Variants in SLC45A4 observed in about 807,000 individuals in gnomAD.
The protein encoded by SLC45A4 is solute carrier family 45 member 4.
A neutral mutation model predicts 63.7 loss-of-function variants in SLC45A4; 32 were observed. The observed-to-expected ratio is 0.50, with a 90% confidence interval of 0.38 to 0.67. The LOEUF (loss-of-function observed/expected upper bound fraction) is 0.67, where lower values mean the gene tolerates loss of function less well. SLC45A4 is among the 30% of genes least tolerant of loss of function. SLC45A4 has a pLI of 0.00. For missense variants in SLC45A4, 1,027 were observed against 1,157.7 expected (o/e 0.89, Z 1.64); for synonymous variants, 535 against 510.0 (o/e 1.05, Z -0.66).
At chr8:141,277,910 A>G (rs1438395517) in intron 1 of SLC45A4, among the ~76,000 whole-genome samples, 1 of 152,076 alleles carries the variant, frequency 6.6e-6, no homozygotes, top group Non-Finnish European at 1.5e-5. Context: ...ACAAAGTGAA[A>G]AAAACAATTT....
intron 6 of SLC45A4, among the ~76,000 whole-genome samples, chr8:141,216,373 C>A (rs566726005): frequency 6.6e-6 from 1 of 152,200 alleles, no homozygotes; most frequent in Non-Finnish European, 1.5e-5. Context: ...CACATTTTTG[C>A]TGGTTTTTCT....
At chr8:141,246,679 G>A (rs1828221169) in intron 2 of SLC45A4, among the ~76,000 whole-genome samples, 1 of 47,900 alleles carries the variant, frequency 2.1e-5, no homozygotes. Context: ...GTATCTCAGG[G>A]GTCTCTTAGA....
chr8:141,239,485 T>G (rs1208324005), intron 2 of SLC45A4, among the ~76,000 whole-genome samples: 5 of 152,044 alleles, frequency 3.3e-5, no homozygotes, highest in Non-Finnish European at 7.4e-5. Flanking sequence ...GTTGCCCAGT[T>G]AGATACATCC....
chr8:141,211,622 A>T lies in SLC45A4; in HGVS notation c.2377T>A (p.Tyr793Asn). 1 of 1,612,436 alleles carries T rather than the reference A, an allele frequency of 6.2e-7. No homozygotes were observed. Residue 793 changes from tyrosine (Y) to asparagine (N), a missense_variant, in exon 9 of 9, where the codon TAT (tyrosine) becomes AAT (asparagine). Physicochemically the swap from Tyr to Asn is moderately radical, Grantham distance 143. Coordinates refer to ENST00000517878, the MANE Select transcript of SLC45A4 (RefSeq NM_001286646.2). ...VPQLLESIFLYDYFRKKIFFS... is the reference protein window; with the variant it reads ...VPQLLESIFLNDYFRKKIFFS... ...AAAATTTTTTTTCTAAAATAATCAT[A>T]AAGAAAAATACTCTCCAACAGCTGC...
rs1266538548 is a variant in SLC45A4, at chr8:141,278,301, C to CCAA, written c.-400-23675_-400-23673dup. ...ATCTCGGTGCAACCCAACAACTGAG[C>CCAA]CAACTGGGACTCCTCGGTCTGTGAA... On this transcript the variant is annotated intron_variant, in intron 1 of 8. Transcript: ENST00000517878. The surrounding 1 kb of genome is among the most constrained non-coding windows in gnomAD (Gnocchi z 4.1). 6.6e-6 allele frequency: 1 copy of CCAA among 152,342 alleles called. No individual in the cohort carries two copies. Among genetic ancestry groups the CCAA allele is most frequent in the Non-Finnish European group, 1.5e-5 (1 of 68,128 alleles). 9.4% of individuals were successfully genotyped at this position (152,342 alleles called of 1,614,324 possible). A position where few individuals can be genotyped will look rare whatever the true frequency, so the allele number is the denominator to read the frequency against.
chr8:141,217,650 C>A (rs1826243582), intron 5 of SLC45A4, among the ~76,000 whole-genome samples: 1 of 152,230 alleles, frequency 6.6e-6, no homozygotes, highest in South Asian at 2.1e-4. Flanking sequence ...CCACAGGGGC[C>A]AGAAGGGCCA....
intron 1 of SLC45A4, among the ~76,000 whole-genome samples, chr8:141,300,915 G>A (rs895941178): frequency 3.1e-4 from 47 of 152,210 alleles, no homozygotes; most frequent in African/African-American, 1.0e-3. Flanking sequence ...GTGACTCGAC[G>A]AAGTGGCGTG....
At position 141,207,819 on chromosome 8, in the gene SLC45A4, T is replaced by C. The variant is rs1490053051; in HGVS notation, c.*3753A>G. The C allele has an allele frequency of 6.6e-6, 1 of 152,388 alleles. No homozygotes were observed. The highest frequency in any genetic ancestry group is 2.4e-5 in the African/African-American group (1 of 41,426). 9.4% of individuals were successfully genotyped at this position (152,388 alleles called of 1,614,324 possible). The stretch of plus-strand genomic sequence containing the variant: ...CCGGAGGGTGATGGCTGGCTTTGCA[T>C]GAGGAGGTGACAAGAACTTTGGGCT... On this transcript the variant is annotated 3_prime_UTR_variant, in exon 9 of 9. Transcript: ENST00000517878.
intron 2 of SLC45A4, among the ~76,000 whole-genome samples, chr8:141,231,731 T>C (rs1159904138): frequency 1.3e-5 from 2 of 152,154 alleles, no homozygotes; most frequent in African/African-American, 2.4e-5. Context: ...CCCAGCCCAC[T>C]ACATTGACAG....
chr8:141,268,370 C>A (rs1157471007), intron 1 of SLC45A4, among the ~76,000 whole-genome samples: 1 of 152,176 alleles, frequency 6.6e-6, no homozygotes, highest in African/African-American at 2.4e-5. Context: ...ACTCTAATGG[C>A]AGACGCATGT....
intron 1 of SLC45A4, among the ~76,000 whole-genome samples, chr8:141,271,917 C>T (rs1160919784): frequency 4.6e-5 from 7 of 152,062 alleles, no homozygotes; most frequent in African/African-American, 7.2e-5. Context: ...TGCGCTCACA[C>T]GTGTGCAACA....
chr8:141,269,682 T>G (rs1427896034), intron 1 of SLC45A4, among the ~76,000 whole-genome samples: 1 of 151,454 alleles, frequency 6.6e-6, no homozygotes, highest in East Asian at 1.9e-4. Flanking sequence ...TGTGTGGGCA[T>G]GTGTATGTGT....
Position 141,221,740 on chromosome 8 carries a change from G to T in SLC45A4, c.267C>A (p.Leu89=), listed in dbSNP as rs560289756. 20 of 1,613,972 alleles carry T rather than the reference G, an allele frequency of 1.2e-5. No homozygotes were observed. The highest frequency in any genetic ancestry group is 1.6e-5 in the Non-Finnish European group (19 of 1,180,040). The change falls in exon 3 of 9, where the codon CTC becomes CTA. Residue 89 remains leucine, a synonymous_variant. Coordinates refer to ENST00000517878, the MANE Select transcript of SLC45A4 (RefSeq NM_001286646.2). ...CAAGGATGGGGCTCAGGAACCAGGT[G>T]AGGCTGTAGTACTGCTCCGGAAGGC... ...QIGLPEQYYS[L]TWFLSPILGL...
chr8:141,286,537 CAAGAA>C (rs1306932596), intron 1 of SLC45A4, among the ~76,000 whole-genome samples: 1 of 152,214 alleles, frequency 6.6e-6, no homozygotes, highest in African/African-American at 2.4e-5. Context: ...TTATACTTCA[CAAGAA>C]AAGTACTTCC....
chr8:141,259,972 C>T (rs949903356), intron 1 of SLC45A4, among the ~76,000 whole-genome samples: 3 of 152,228 alleles, frequency 2.0e-5, no homozygotes, highest in Non-Finnish European at 2.9e-5. Flanking sequence ...GCTGAAGTCA[C>T]GCCCAGGTGC....
At chr8:141,221,867 A>G (rs1826660855) in intron 2 of SLC45A4, 102 bp from the exon 3 acceptor site, 1 of 1,187,788 alleles carries the variant, frequency 8.4e-7, no homozygotes, top group Non-Finnish European at 1.2e-6. Context: ...GTGTACACGC[A>G]CGCATGCGCA....
rs1418560621 is a variant in SLC45A4, at chr8:141,215,822, G to A, written c.1878C>T (p.Ile626=). ...VAMVTISTMG[I]VSMSISYCPY... ...GGCAGTAGGAGATGCTCATGGAGAC[G>A]ATGCCCATGGTGCTGATGGTGACCA... The change falls in exon 7 of 9, where the codon ATC becomes ATT. Residue 626 remains isoleucine, a synonymous_variant. Coordinates refer to ENST00000517878, the MANE Select transcript of SLC45A4 (RefSeq NM_001286646.2). The surrounding 1 kb of genome is among the most constrained non-coding windows in gnomAD (Gnocchi z 4.3). 14 of 1,613,988 alleles carry A rather than the reference G, an allele frequency of 8.7e-6. No homozygotes were observed. In the Admixed American group the frequency reaches 1.2e-4, roughly 13 times the overall value.
chr8:141,259,116 T>C (rs1199722687), intron 1 of SLC45A4, among the ~76,000 whole-genome samples: 2 of 152,120 alleles, frequency 1.3e-5, no homozygotes, highest in East Asian at 3.9e-4. Flanking sequence ...AGCAAACTTC[T>C]AACAACTGGT....
chr8:141,287,574 T>C (rs899723051), intron 1 of SLC45A4, among the ~76,000 whole-genome samples: 2 of 152,250 alleles, frequency 1.3e-5, no homozygotes, highest in African/African-American at 4.8e-5. Flanking sequence ...AGTTGAGTAC[T>C]GTCTTTTCTG....
Sources: gnomAD v4.1 joint callset for allele counts (sites outside exome capture counted in the v4.1 genomes callset) on GRCh38, gnomAD v4.1.1 for gene constraint, Gnocchi (gnomAD v3.1) non-coding constraint, MANE v1.5 for transcripts, NCBI Gene and HGNC (gene_info 2026-07-23, HGNC 2026-07-21) for gene names.